The following ARHGEF28 variants were observed in gnomAD, a reference collection of about 807,000 sequenced individuals.
ARHGEF28 encodes the protein 190 kDa guanine nucleotide exchange factor.
A neutral mutation model predicts 206.6 loss-of-function variants in ARHGEF28; 152 were observed. The ratio of observed to expected loss-of-function variants is 0.74; its 90% CI spans 0.64 to 0.84. The LOEUF (loss-of-function observed/expected upper bound fraction) is 0.84, where lower values mean the gene tolerates loss of function less well. ARHGEF28 is among the 40% of genes least tolerant of loss of function. The pLI is 0.00. For missense variants in ARHGEF28, 2,028 were observed against 2,073.2 expected (o/e 0.98, Z 0.42); for synonymous variants, 763 against 776.4 (o/e 0.98, Z 0.29).
At chr5:73,873,980 A>G (rs1760274733) in intron 22 of ARHGEF28, among the ~76,000 whole-genome samples, 1 of 152,188 alleles carries the variant, frequency 6.6e-6, no homozygotes, top group Non-Finnish European at 1.5e-5. Flanking sequence ...ACCATTTTAC[A>G]TTCTCATCAA....
intron 9 of ARHGEF28, among the ~76,000 whole-genome samples, chr5:73,806,415 G>GAT (rs1755461244): frequency 8.3e-6 from 1 of 120,292 alleles, no homozygotes; most frequent in Non-Finnish European, 1.6e-5. Context: ...TAGATATATA[G>GAT]ATATATACTA....
At chr5:73,826,251 A>G (rs1191711868) in intron 9 of ARHGEF28, among the ~76,000 whole-genome samples, 1 of 152,210 alleles carries the variant, frequency 6.6e-6, no homozygotes, top group Non-Finnish European at 1.5e-5. Flanking sequence ...CATGATGGGC[A>G]CTGTTTCAGC....
At position 73,858,085 on chromosome 5, in the gene ARHGEF28, A is replaced by G. The variant is rs768784085; in HGVS notation, c.1915-2A>G. 1.3e-6 allele frequency: 2 copies of G among 1,599,382 alleles called. No individual in the cohort carries two copies. The highest frequency in any genetic ancestry group is 2.3e-5 in the South Asian group (2 of 87,890). ...TTCCTACTGCTGCTGCTGCATCTGA[A>G]GACAAAAAGCAAGGATGCCAAAGAT... On this transcript the variant is annotated splice_acceptor_variant, in intron 15 of 35. Transcript: ENST00000513042. LOFTEE classifies it high-confidence loss of function.
intron 16 of ARHGEF28, among the ~76,000 whole-genome samples, chr5:73,862,865 A>AC (rs1166516441): frequency 2.0e-5 from 3 of 151,868 alleles, no homozygotes; most frequent in Non-Finnish European, 2.9e-5. Flanking sequence ...TTCTTTAAAA[A>AC]AAAAAAAAAC....
intron 25 of ARHGEF28, among the ~76,000 whole-genome samples, chr5:73,886,344 G>A (rs190910525): frequency 6.6e-6 from 1 of 152,308 alleles, no homozygotes; most frequent in East Asian, 1.9e-4. Context: ...GCAAGTTTGT[G>A]ATGTCTGAAA....
intron 4 of ARHGEF28, among the ~76,000 whole-genome samples, chr5:73,767,651 AT>A: frequency 6.6e-6 from 1 of 152,288 alleles, no homozygotes; most frequent in African/African-American, 2.4e-5. Context: ...TGTTAAAGGC[AT>A]TCAGTTTTAT....
chr5:73,781,914 C>T (rs1213156190), intron 7 of ARHGEF28, among the ~76,000 whole-genome samples: 2 of 151,918 alleles, frequency 1.3e-5, no homozygotes, highest in Admixed American at 6.6e-5. Context: ...CACAAAATAC[C>T]TGTTAATGTA....
intron 22 of ARHGEF28, among the ~76,000 whole-genome samples, chr5:73,875,487 C>G (rs1054220737): frequency 6.8e-6 from 1 of 147,996 alleles, no homozygotes; most frequent in Non-Finnish European, 1.5e-5. Flanking sequence ...GACATGAAGT[C>G]CTTGCCCATG....
intron 2 of ARHGEF28, among the ~76,000 whole-genome samples, chr5:73,737,434 TCTTC>T (rs1202874466): frequency 6.7e-6 from 1 of 149,876 alleles, no homozygotes; most frequent in Non-Finnish European, 1.5e-5. Context: ...CACCGAGCCC[TCTTC>T]CTTCTTTTCT....
At chr5:73,764,580 G>A (rs1454040047) in intron 4 of ARHGEF28, among the ~76,000 whole-genome samples, 1 of 152,206 alleles carries the variant, frequency 6.6e-6, no homozygotes, top group Admixed American at 6.5e-5. Flanking sequence ...TCAGCCGGAG[G>A]TGGTTGTAAT....
intron 2 of ARHGEF28, among the ~76,000 whole-genome samples, chr5:73,720,829 G>T (rs1370269164): frequency 6.6e-6 from 1 of 152,106 alleles, no homozygotes; most frequent in Non-Finnish European, 1.5e-5. Context: ...AACCTAAAGT[G>T]CCAGCTCTGA....
intron 1 of ARHGEF28, among the ~76,000 whole-genome samples, chr5:73,639,535 A>AT (rs987316950): frequency 1.3e-5 from 2 of 151,958 alleles, no homozygotes; most frequent in African/African-American, 4.8e-5. Flanking sequence ...TATTTTATTG[A>AT]TTTTATCAGT....
At chr5:73,892,779 G>A (rs1761723452) in intron 27 of ARHGEF28, among the ~76,000 whole-genome samples, 1 of 152,024 alleles carries the variant, frequency 6.6e-6, no homozygotes, top group Non-Finnish European at 1.5e-5. Context: ...TTTTATAATT[G>A]GGAGCACAAG....
chr5:73,711,275 A>C (rs1013771483), intron 2 of ARHGEF28, among the ~76,000 whole-genome samples: 1 of 152,100 alleles, frequency 6.6e-6, no homozygotes, highest in African/African-American at 2.4e-5. Flanking sequence ...TGGTCCTCCA[A>C]CTTTCTTCTT....
chr5:73,729,992 G>A (rs918320306), intron 2 of ARHGEF28, among the ~76,000 whole-genome samples: 2 of 152,192 alleles, frequency 1.3e-5, no homozygotes, highest in African/African-American at 4.8e-5. Context: ...AGCTTGCAGT[G>A]TTGTGAGATT....
chr5:73,846,384 A>C lies in ARHGEF28; in HGVS notation c.1544A>C (p.Asp515Ala), dbSNP rs376613378. The C allele has an allele frequency of 3.1e-6, 5 of 1,613,816 alleles. No homozygotes were observed. The Admixed American group carries it at 6.7e-5, about 22-fold the overall frequency. Residue 515 changes from aspartate to alanine, a missense_variant, in exon 12 of 36, where the codon GAT becomes GCT. Transcript: ENST00000513042. ...TCAAGAACTGGGATTCCTAGTGGGG[A>C]TGAATTGGACTCTTTTGAGACTAAC... is the stretch of plus-strand genomic sequence containing the variant. ...SSSRTGIPSG[D>A]ELDSFETNTE...
Position 73,867,929 on chromosome 5 carries a change from T to A in ARHGEF28, c.2206T>A (p.Ser736Thr). The A allele has an allele frequency of 6.2e-7, 1 of 1,613,990 alleles. No individual in the cohort carries two copies. Reference protein sequence around the residue: ...QPGLSLHPSSSVPVGLPTGRR... With the variant: ...QPGLSLHPSSTVPVGLPTGRR... ...TGGTCTCTCCTTGCACCCTTCTTCC[T>A]CCGTGCCTGTTGGATTGCCGACTGG... Residue 736 changes from serine (S) to threonine (T), a missense_variant, in exon 19 of 36, where the codon TCC (serine) becomes ACC (threonine). Ser to Thr is a moderately conservative substitution (Grantham distance 58). Coordinates refer to ENST00000513042, the MANE Select transcript of ARHGEF28 (RefSeq NM_001177693.2).
intron 2 of ARHGEF28, among the ~76,000 whole-genome samples, chr5:73,748,046 C>G (rs1202069767): frequency 6.6e-6 from 1 of 152,174 alleles, no homozygotes; most frequent in Non-Finnish European, 1.5e-5. Context: ...AAATCACGAA[C>G]AGGTCAGGTC....
chr5:73,741,427 A>ATATG (rs1751423977), intron 2 of ARHGEF28, among the ~76,000 whole-genome samples: 2 of 31,204 alleles, frequency 6.4e-5, no homozygotes, highest in Middle Eastern at 0.014. Flanking sequence ...ATATATATAT[A>ATATG]TATATATATA....
Sources: allele counts gnomAD v4.1 joint callset (sites outside exome capture counted in the v4.1 genomes callset), GRCh38; gene constraint gnomAD v4.1.1; transcripts MANE v1.5; gene names NCBI Gene and HGNC (gene_info 2026-07-23, HGNC 2026-07-21).